The following TRIM71 variants were observed in gnomAD, a reference collection of about 807,000 sequenced individuals.
TRIM71 encodes the protein tripartite motif containing 71.
A neutral mutation model predicts 61.2 loss-of-function variants in TRIM71; 9 were observed. That is an observed-to-expected ratio of 0.15 (90% confidence interval 0.09 to 0.26). The LOEUF (loss-of-function observed/expected upper bound fraction) is 0.26. Ranked by LOEUF, TRIM71 falls within the 10% of genes least tolerant of loss-of-function variation. The pLI is 1.00. For synonymous variants in TRIM71, 645 were observed against 553.2 expected (o/e 1.17, Z -2.33); for missense variants, 998 against 1,238.7 (o/e 0.81, Z 2.92).
rs142258360 is a variant in TRIM71, at chr3:32,838,233, A to G, written c.852+19301A>G. On this transcript the variant is annotated intron_variant, in intron 1 of 3. Coordinates refer to ENST00000383763, the MANE Select transcript of TRIM71 (RefSeq NM_001039111.3). Reference sequence around the variant, plus strand: ...ACTATATGCTTATTATTATTATTATATTTTTTTGAGACGGAGTTTCACTAT... The same window carrying G: ...ACTATATGCTTATTATTATTATTATGTTTTTTTGAGACGGAGTTTCACTAT... Among the ~76,000 whole-genome samples, 925 of 151,964 alleles carry G rather than the reference A, an allele frequency of 6.1e-3. 8 individuals carry two copies. The highest frequency in any genetic ancestry group is 0.021 in the African/African-American group (855 of 41,458).
chr3:32,876,216 A>G (rs956428339), intron 2 of TRIM71, among the ~76,000 whole-genome samples: 3 of 152,174 alleles, frequency 2.0e-5, no homozygotes, highest in African/African-American at 7.2e-5. Context: ...GACCTTGACA[A>G]ATAAATGCCT....
intron 1 of TRIM71, among the ~76,000 whole-genome samples, chr3:32,843,352 A>G (rs963116062): frequency 1.3e-5 from 2 of 152,210 alleles, no homozygotes; most frequent in South Asian, 2.1e-4. Flanking sequence ...TTTCTCATCA[A>G]CCAGAGTTCT....
intron 1 of TRIM71, among the ~76,000 whole-genome samples, chr3:32,866,927 G>A (rs1696743963): frequency 6.6e-6 from 1 of 152,194 alleles, no homozygotes; most frequent in African/African-American, 2.4e-5. Context: ...TGTGGTTTTT[G>A]GAGTCACATA....
At chr3:32,869,619 A>G (rs1294377873) in intron 1 of TRIM71, among the ~76,000 whole-genome samples, 1 of 152,252 alleles carries the variant, frequency 6.6e-6, no homozygotes, top group African/African-American at 2.4e-5. Flanking sequence ...AGGTACAAAC[A>G]TGCCTACTTT....
chr3:32,839,699 T>C (rs535426914), intron 1 of TRIM71, among the ~76,000 whole-genome samples: 1 of 151,650 alleles, frequency 6.6e-6, no homozygotes, highest in Admixed American at 6.6e-5. Context: ...ATCGCTTTTA[T>C]CACTCGGCAC....
chr3:32,890,805 A>G lies in TRIM71; in HGVS notation c.1601A>G (p.Asn534Ser), dbSNP rs1308085075. Residue 534 changes from asparagine to serine, a missense_variant, in exon 4 of 4, where the codon AAC becomes AGC. Physicochemically the swap from Asn to Ser is conservative, Grantham distance 46. Around this residue, in one of 5 missense-constraint regions of TRIM71, gnomAD observed 291 missense variants for 431.2 expected, o/e 0.67. Transcript: ENST00000383763. This position sits in a 1 kb window ranked among gnomAD's most constrained non-coding sequence, Gnocchi z 6.2. ...MSAVVLGPDGNLFGAEVSDQQ... is the reference protein window; with the variant it reads ...MSAVVLGPDGSLFGAEVSDQQ... ...GCTGTGGTCCTGGGCCCTGATGGCA[A>G]CCTGTTTGGTGCAGAGGTGAGTGAT... The G allele has an allele frequency of 6.2e-7, 1 of 1,614,122 alleles. No individual in the cohort carries two copies. The highest frequency in any genetic ancestry group is 8.5e-7 in the Non-Finnish European group (1 of 1,180,026).
chr3:32,864,333 C>T (rs1469810717), intron 1 of TRIM71, among the ~76,000 whole-genome samples: 1 of 152,220 alleles, frequency 6.6e-6, no homozygotes, highest in Non-Finnish European at 1.5e-5. Flanking sequence ...GAGGACACCC[C>T]AAGCACAGGT....
chr3:32,841,601 A>T (rs1474779200), intron 1 of TRIM71, among the ~76,000 whole-genome samples: 2 of 152,106 alleles, frequency 1.3e-5, no homozygotes, highest in African/African-American at 2.4e-5. Flanking sequence ...GTGGGCCACG[A>T]GTGAGGCCCA....
In TRIM71 at chr3:32,894,783, GAA is replaced by G. The variant is rs1697062147; in HGVS notation, c.*2975_*2976del. 6.6e-6 allele frequency: 1 copy of G among 152,206 alleles called. No individual in the cohort carries two copies. The highest frequency in any genetic ancestry group is 2.4e-5 in the African/African-American group (1 of 41,456). The allele number at this position is 152,206 out of a possible 1,614,324, so 9.4% of individuals were successfully genotyped here. ...TTGGCAGTCCCTAGTGTGAAACTGT[GAA>G]AAGTACCTGTGTTTAAATGCATAAT... On this transcript the variant is annotated 3_prime_UTR_variant, in exon 4 of 4. Coordinates refer to ENST00000383763, the MANE Select transcript of TRIM71 (RefSeq NM_001039111.3).
rs1696831576 is a variant in TRIM71, at chr3:32,874,358, T to C, written c.1020+373T>C. Among the ~76,000 whole-genome samples the C allele has an allele frequency of 1.2e-4, 17 of 146,514 alleles. No individual in the cohort carries two copies. The South Asian group carries it at 3.6e-3, about 31-fold the overall frequency. On this transcript the variant is annotated intron_variant, in intron 2 of 3. Coordinates refer to ENST00000383763, the MANE Select transcript of TRIM71 (RefSeq NM_001039111.3). ...CTACTACTACTACTACTACTACTAC[T>C]ACTACTACTACAACATATTTTTTGA...
chr3:32,834,810 C>G (rs1405400876), intron 1 of TRIM71, among the ~76,000 whole-genome samples: 2 of 152,120 alleles, frequency 1.3e-5, no homozygotes, highest in Middle Eastern at 3.2e-3. Flanking sequence ...CGGCTGCACT[C>G]CAGCCTGGTG....
At position 32,896,126 on chromosome 3, in the gene TRIM71, G is replaced by A. The variant is rs919348873; in HGVS notation, c.*4315G>A. The A allele has an allele frequency of 6.6e-6, 1 of 152,138 alleles. No individual in the cohort carries two copies. The highest frequency in any genetic ancestry group is 1.5e-5 in the Non-Finnish European group (1 of 68,030). The allele number at this position is 152,138 out of a possible 1,614,324, so 9.4% of individuals were successfully genotyped here. A position where few individuals can be genotyped will look rare whatever the true frequency, so the allele number is the denominator to read the frequency against. On this transcript the variant is annotated 3_prime_UTR_variant, in exon 4 of 4. Coordinates refer to ENST00000383763, the MANE Select transcript of TRIM71 (RefSeq NM_001039111.3). The stretch of plus-strand genomic sequence containing the variant: ...CTACTGGTTAATCTGACCTATTGGA[G>A]GACTTAACTACAAATAAAGACCTTT...
intron 1 of TRIM71, among the ~76,000 whole-genome samples, chr3:32,850,994 C>T (rs1310210289): frequency 4.6e-5 from 7 of 152,098 alleles, no homozygotes; most frequent in Admixed American, 4.6e-4. Context: ...AAATGAAAAA[C>T]AAATTATTAT....
rs112979410 is a variant in TRIM71, at chr3:32,891,514, G to T, written c.2310G>T (p.Arg770=). Reference sequence around the variant, plus strand: ...TGGTCACTGACTTCAACAACCACCGGCTCCTGGTTATTCACCCCGACTGCC... The same window carrying T: ...TGGTCACTGACTTCAACAACCACCGTCTCCTGGTTATTCACCCCGACTGCC... ...HLVVTDFNNH[R]LLVIHPDCQS... is the part of the protein sequence containing the mutation. The change falls in exon 4 of 4, where the codon CGG becomes CGT. Residue 770 remains arginine, a synonymous_variant. Coordinates refer to ENST00000383763, the MANE Select transcript of TRIM71 (RefSeq NM_001039111.3). This position sits in a 1 kb window ranked among gnomAD's most constrained non-coding sequence, Gnocchi z 8.2. The T allele has an allele frequency of 1.6e-4, 261 of 1,613,512 alleles. 3 individuals carry two copies. The Middle Eastern group carries it at 3.0e-3, about 18-fold the overall frequency.
At position 32,892,287 on chromosome 3, in the gene TRIM71, GAA is replaced by G. The variant is rs1282037049; in HGVS notation, c.*481_*482del. ...AAAAAACAAAAAACTATAAAACATG[GAA>G]AAAATAGGATTTGAAATGCATAATT... On this transcript the variant is annotated 3_prime_UTR_variant, in exon 4 of 4. Coordinates refer to ENST00000383763, the MANE Select transcript of TRIM71 (RefSeq NM_001039111.3). 1.3e-5 allele frequency: 2 copies of G among 154,160 alleles called. No individual in the cohort carries two copies. Among genetic ancestry groups the G allele is most frequent in the Non-Finnish European group, 1.4e-5 (1 of 69,280 alleles). The allele number at this position is 154,160 out of a possible 1,614,324, so 9.5% of individuals were successfully genotyped here.
chr3:32,861,146 G>A (rs1696664177), intron 1 of TRIM71, among the ~76,000 whole-genome samples: 1 of 151,810 alleles, frequency 6.6e-6, no homozygotes, highest in Non-Finnish European at 1.5e-5. Context: ...TTGTACTCCA[G>A]CCAGAGCAAG....
rs1428418149 is a variant in TRIM71 at position 32,895,128 on chromosome 3, A to G, written c.*3317A>G. 6.6e-6 allele frequency: 1 copy of G among 152,220 alleles called. No homozygotes were observed. The highest frequency in any genetic ancestry group is 2.4e-5 in the African/African-American group (1 of 41,464). The allele number at this position is 152,220 out of a possible 1,614,324, so 9.4% of individuals were successfully genotyped here. The stretch of plus-strand genomic sequence containing the variant: ...TTGCTTGACACTGACTTAACATTTC[A>G]AAAGTGTTATTTTTGGTCCCAAGAT... On this transcript the variant is annotated 3_prime_UTR_variant, in exon 4 of 4. Coordinates refer to ENST00000383763, the MANE Select transcript of TRIM71 (RefSeq NM_001039111.3).
intron 1 of TRIM71, among the ~76,000 whole-genome samples, chr3:32,827,821 G>C (rs1037745324): frequency 1.3e-5 from 2 of 152,170 alleles, no homozygotes; most frequent in Non-Finnish European, 2.9e-5. Context: ...GTAAACATCT[G>C]TTGGCTGCTG....
chr3:32,876,458 C>T (rs113645524), intron 2 of TRIM71, among the ~76,000 whole-genome samples: 12 of 152,282 alleles, frequency 7.9e-5, no homozygotes, highest in Admixed American at 6.5e-5. Flanking sequence ...GTGGCAGGCA[C>T]CTGTAATGCC....
Sources: allele counts gnomAD v4.1 joint callset (sites outside exome capture counted in the v4.1 genomes callset), GRCh38; gene constraint gnomAD v4.1.1; regional missense constraint gnomAD v4.1.1; non-coding constraint Gnocchi (gnomAD v3.1); transcripts MANE v1.5; gene names NCBI Gene and HGNC (gene_info 2026-07-23, HGNC 2026-07-21).